FOXP1: variants seen among roughly 807,000 people sequenced by gnomAD.
The protein encoded by FOXP1 is forkhead box protein P1.
Under a neutral mutation model 98.2 loss-of-function variants are expected in FOXP1, and 15 were observed. The ratio of observed to expected loss-of-function variants is 0.15; its 90% CI spans 0.10 to 0.24. The LOEUF is 0.24. FOXP1 is among the 10% of genes least tolerant of loss of function. The pLI is 1.00. For missense variants in FOXP1, 633 were observed against 848.5 expected, an observed-to-expected ratio of 0.75 and a Z score of 3.15; for synonymous variants, 371 against 314.5, an observed-to-expected ratio of 1.18 and a Z score of -1.90.
intron 3 of FOXP1, among the ~76,000 whole-genome samples, chr3:71,484,386 A>G (rs1343529853): frequency 6.6e-6 from 1 of 152,254 alleles, no homozygotes; most frequent in Non-Finnish European, 1.5e-5. Flanking sequence ...CACAAAAAGC[A>G]TACTTCAAGG....
intron 7 of FOXP1, among the ~76,000 whole-genome samples, chr3:71,098,928 C>T (rs1019116659): frequency 3.3e-5 from 5 of 152,162 alleles, no homozygotes; most frequent in African/African-American, 9.7e-5. Context: ...GTTAGTAGCA[C>T]GGATGATGAC....
intron 3 of FOXP1, among the ~76,000 whole-genome samples, chr3:71,417,918 C>A (rs1038351392): frequency 6.6e-6 from 1 of 152,086 alleles, no homozygotes; most frequent in African/African-American, 2.4e-5. Context: ...TAGACAAACA[C>A]CCCCGAGAAG....
At chr3:70,972,128 T>C in intron 18 of FOXP1, 3 of 1,533,902 alleles carry the variant, frequency 2.0e-6, no homozygotes, top group Non-Finnish European at 2.6e-6. Context: ...CCCAAACTCA[T>C]CCTCTACTCT....
At chr3:71,330,520 C>A (rs2076228429) in intron 4 of FOXP1, among the ~76,000 whole-genome samples, 1 of 152,168 alleles carries the variant, frequency 6.6e-6, no homozygotes, top group Non-Finnish European at 1.5e-5. Context: ...CAGCAAACAG[C>A]CCTATTTTTG....
At chr3:71,386,652 A>C (rs933952319) in intron 3 of FOXP1, among the ~76,000 whole-genome samples, 1 of 151,180 alleles carries the variant, frequency 6.6e-6, no homozygotes, top group Non-Finnish European at 1.5e-5. Flanking sequence ...CTGAGGCAAG[A>C]GAATCACCTG....
At chr3:71,580,883 C>A (rs761065853) in intron 2 of FOXP1, 215 of 985,222 alleles carry the variant, frequency 2.2e-4, no homozygotes, top group Non-Finnish European at 2.4e-4. Flanking sequence ...GAATGCTCCT[C>A]CGGCATTCCT....
At chr3:71,232,535 G>T (rs1294033349) in intron 5 of FOXP1, among the ~76,000 whole-genome samples, 3 of 151,990 alleles carry the variant, frequency 2.0e-5, no homozygotes, top group Non-Finnish European at 4.4e-5. Flanking sequence ...ACGGCAGGAA[G>T]CTTATTCACA....
intron 4 of FOXP1, among the ~76,000 whole-genome samples, chr3:71,354,124 G>T (rs1471970375): frequency 2.0e-5 from 3 of 146,776 alleles, no homozygotes; most frequent in African/African-American, 7.7e-5. Context: ...AGCCAGCAAG[G>T]TGAAACCCCG....
chr3:71,093,958 G>C (rs2056178114), intron 7 of FOXP1, among the ~76,000 whole-genome samples: 1 of 151,996 alleles, frequency 6.6e-6, no homozygotes, highest in African/African-American at 2.4e-5. Context: ...CAAACATTTT[G>C]GTAAGAAAGC....
intron 2 of FOXP1, among the ~76,000 whole-genome samples, chr3:71,502,851 A>G (rs887077103): frequency 6.6e-6 from 1 of 152,220 alleles, no homozygotes; most frequent in African/African-American, 2.4e-5. Flanking sequence ...ACCGGCATAC[A>G]TAACAGCTAA....
chr3:71,198,854 G>C (rs2063479674), intron 5 of FOXP1, among the ~76,000 whole-genome samples: 1 of 151,880 alleles, frequency 6.6e-6, no homozygotes, highest in Non-Finnish European at 1.5e-5. Flanking sequence ...ACCATGCCCG[G>C]CTAATTTTTT....
rs77005717 is a variant in FOXP1, at chr3:71,205,782, A to G, written c.-11-7390T>C. Among the ~76,000 whole-genome samples the G allele has an allele frequency of 9.5e-3, 1,454 of 152,340 alleles. 29 individuals carry two copies. The highest frequency in any genetic ancestry group is 0.034 in the African/African-American group (1,401 of 41,580). ...GTACACGTAAGCAAAGGCAAGATGC[A>G]TTTGAATGCATCTGACATGGCCAGT... On this transcript the variant is annotated intron_variant, in intron 5 of 20. Transcript: ENST00000649528.
At chr3:71,445,027 TCATTTCAATAACA>T (rs1560497422) in intron 3 of FOXP1, among the ~76,000 whole-genome samples, 1 of 152,168 alleles carries the variant, frequency 6.6e-6, no homozygotes, top group Non-Finnish European at 1.5e-5. Flanking sequence ...GGGAGATCTT[TCATTTCAATAACA>T]GCAATAGCAA....
chr3:71,354,262 A>G (rs2078006042), intron 4 of FOXP1, among the ~76,000 whole-genome samples: 1 of 151,558 alleles, frequency 6.6e-6, no homozygotes, highest in Non-Finnish European at 1.5e-5. Context: ...TGGGTGACAG[A>G]GCGAGACTCC....
intron 4 of FOXP1, among the ~76,000 whole-genome samples, chr3:71,326,358 A>G (rs2075690399): frequency 6.6e-6 from 1 of 152,220 alleles, no homozygotes; most frequent in Admixed American, 6.5e-5. Context: ...AGAAAATCAT[A>G]AAAGAGGCTC....
At chr3:71,338,285 A>G (rs561228852) in intron 4 of FOXP1, among the ~76,000 whole-genome samples, 57 of 152,298 alleles carry the variant, frequency 3.7e-4, no homozygotes, top group Non-Finnish European at 6.3e-4. Flanking sequence ...AGGGGTGTCC[A>G]CTAATCCTCT....
At position 71,033,610 on chromosome 3, in the gene FOXP1, A is replaced by C. The variant is rs1378495539; in HGVS notation, c.869+7718T>G. ...CCCACAAAGTGAACAGTCAAAAAAA[A>C]AAAAAAAAAAAAAAAAACAACCCAT... On this transcript the variant is annotated intron_variant, in intron 11 of 20. Transcript: ENST00000649528. 6.7e-3 allele frequency among the ~76,000 whole-genome samples: 908 copies of C among 135,946 alleles called. 11 individuals are homozygous for C. The highest frequency in any genetic ancestry group is 0.025 in the African/African-American group (719 of 28,352). The allele number at this position is 135,946 out of a possible 152,430, so 89.2% of individuals were successfully genotyped here. A position where few individuals can be genotyped will look rare whatever the true frequency, so the allele number is the denominator to read the frequency against.
intron 3 of FOXP1, among the ~76,000 whole-genome samples, chr3:71,404,079 A>G (rs1014747072): frequency 6.7e-6 from 1 of 150,338 alleles, no homozygotes; most frequent in Non-Finnish European, 1.5e-5. Flanking sequence ...GGGATGGGCA[A>G]TGGAGATCCC....
intron 2 of FOXP1, among the ~76,000 whole-genome samples, chr3:71,561,527 G>A (rs1338740308): frequency 1.3e-5 from 2 of 151,912 alleles, no homozygotes; most frequent in Non-Finnish European, 2.9e-5. Flanking sequence ...ATGTGACTGA[G>A]TAAGCTCTTA....
Sources: gnomAD v4.1 joint callset for allele counts (sites outside exome capture counted in the v4.1 genomes callset) on GRCh38, gnomAD v4.1.1 for gene constraint, MANE v1.5 for transcripts, NCBI Gene and HGNC (gene_info 2026-07-23, HGNC 2026-07-21) for gene names.